The following STK10 variants were observed in gnomAD, a reference collection of about 807,000 sequenced individuals.
STK10 encodes the protein serine/threonine kinase 10, also known as serine/threonine-protein kinase 10.
Under a neutral mutation model 113.8 loss-of-function variants are expected in STK10, and 78 were observed. That is an observed-to-expected ratio of 0.69 (90% CI 0.57 to 0.83). STK10 has a LOEUF of 0.83. Among genes scored for constraint, STK10 ranks in the 40% least tolerant of loss-of-function variants. The pLI is 0.00. For missense variants in STK10, 1,109 were observed against 1,280.1 expected, an observed-to-expected ratio of 0.87 and a Z score of 2.04; for synonymous variants, 465 against 494.7, an observed-to-expected ratio of 0.94 and a Z score of 0.80.
intron 1 of STK10, among the ~76,000 whole-genome samples, chr5:172,171,519 G>C (rs1301549377): frequency 2.6e-5 from 4 of 152,050 alleles, no homozygotes; most frequent in African/African-American, 9.7e-5. Flanking sequence ...TTCAAAACCA[G>C]TCTGGCCAAC....
intron 8 of STK10, 48 bp downstream of exon 8, chr5:172,096,378 G>A: frequency 6.2e-7 from 1 of 1,600,696 alleles, no homozygotes; most frequent in South Asian, 1.1e-5. Context: ...GGCCAGCTGA[G>A]ATCCTGTCCT....
At chr5:172,113,243 C>A (rs1288810073) in intron 4 of STK10, among the ~76,000 whole-genome samples, 2 of 151,956 alleles carry the variant, frequency 1.3e-5, no homozygotes, top group Non-Finnish European at 2.9e-5. Flanking sequence ...ACTGGTATGA[C>A]CAGCACGGAG....
chr5:172,090,473 C>T (rs930161903), intron 9 of STK10, 111 bp from the exon 10 acceptor site: 8 of 1,442,300 alleles, frequency 5.5e-6, no homozygotes, highest in African/African-American at 1.4e-5. Context: ...GAACCACCCC[C>T]AGAGAGATGT....
chr5:172,087,107 A>AGTGTGTGTCTGTGTGTGTGTGT (rs1768579332), intron 10 of STK10, among the ~76,000 whole-genome samples: 1 of 128,860 alleles, frequency 7.8e-6, no homozygotes, highest in African/African-American at 3.0e-5. Flanking sequence ...AGATGACACC[A>AGTGTGTGTCTGTGTGTGTGTGT]GTGTGTGTGT....
At chr5:172,083,711 C>A (rs1233127973) in intron 10 of STK10, among the ~76,000 whole-genome samples, 1 of 151,842 alleles carries the variant, frequency 6.6e-6, no homozygotes, top group Non-Finnish European at 1.5e-5. Flanking sequence ...AGTTTGAGAC[C>A]AGCCTGGCCA....
rs375222010 is a variant in STK10, at chr5:172,093,407, G to A, written c.1554+5C>T. ...GCAAGCCCGTGGTGGCAGAGGCGGT[G>A]TTACCTTGATGGACAGAGAGCCCAT... On this transcript the variant is annotated splice_donor_5th_base_variant and intron_variant, in intron 9 of 18. Transcript: ENST00000176763. The surrounding 1 kb of genome is among the most constrained non-coding windows in gnomAD (Gnocchi z 4.1). 3.8e-6 allele frequency: 6 copies of A among 1,583,690 alleles called. No individual in the cohort carries two copies. Among genetic ancestry groups the A allele is most frequent in the African/African-American group, 1.3e-5 (1 of 74,198 alleles).
chr5:172,170,802 C>T (rs11954147), intron 1 of STK10, among the ~76,000 whole-genome samples: 2,730 of 152,290 alleles, frequency 0.018, 86 homozygotes, highest in African/African-American at 0.062. Context: ...ATAAAGGAGG[C>T]GTGAAAGGTG....
In STK10 at chr5:172,082,425, G is replaced by A. The variant is rs563669946; in HGVS notation, c.1890C>T (p.Asp630=). 2 of 1,612,190 alleles carry A rather than the reference G, an allele frequency of 1.2e-6. No homozygotes were observed. Among genetic ancestry groups the A allele is most frequent in the East Asian group, 2.2e-5 (1 of 44,668 alleles). ...QKQQVEKMEQ[D]HAVRRREEAR... is the part of the protein sequence containing the mutation. ...CCTCCTCCCGGCGGCGCACGGCATG[G>A]TCTTGCTCCATCTTCTCCACTTGCT... The change falls in exon 12 of 19, where the codon GAC becomes GAT. Residue 630 remains aspartate (D), a synonymous_variant. Coordinates refer to ENST00000176763, the MANE Select transcript of STK10 (RefSeq NM_005990.4). This position sits in a 1 kb window ranked among gnomAD's most constrained non-coding sequence, Gnocchi z 4.3.
chr5:172,106,999 G>A (rs1490131404), intron 5 of STK10, 185 bp from the exon 6 acceptor site: 4 of 540,014 alleles, frequency 7.4e-6, no homozygotes, highest in African/African-American at 5.9e-5. Context: ...ACGCCTCCAC[G>A]CGGCTCCCCG....
rs749404216 is a variant in STK10, at chr5:172,096,555, G to A, written c.876C>T (p.Pro292=). 6.8e-6 allele frequency: 11 copies of A among 1,612,912 alleles called. No individual in the cohort carries two copies. The highest frequency in any genetic ancestry group is 7.6e-6 in the Non-Finnish European group (9 of 1,180,040). Residue 292 remains proline (P), a synonymous_variant, in exon 8 of 19, where the codon CCC becomes CCT. Coordinates refer to ENST00000176763, the MANE Select transcript of STK10 (RefSeq NM_005990.4). The part of the protein sequence containing the change: ...RPSAAQLLEH[P]FVSSITSNKA... ...TGTTACTGGTGATGCTGCTGACGAAGGGATGCTGAGGGGGCAAGATGCACC... is the reference window on the plus strand; with the variant it reads ...TGTTACTGGTGATGCTGCTGACGAAAGGATGCTGAGGGGGCAAGATGCACC...
In STK10 at chr5:172,177,172, T is replaced by TAAA. The variant is rs748019558; in HGVS notation, c.156+10712_156+10714dup. Among the ~76,000 whole-genome samples the TAAA allele has an allele frequency of 6.5e-3, 914 of 140,850 alleles. 18 individuals carry two copies. Among genetic ancestry groups the TAAA allele is most frequent in the African/African-American group, 0.023 (831 of 35,774 alleles). 92.4% of individuals were successfully genotyped at this position (140,850 alleles called of 152,430 possible). On this transcript the variant is annotated intron_variant, in intron 1 of 18. Coordinates refer to ENST00000176763, the MANE Select transcript of STK10 (RefSeq NM_005990.4). Reference sequence around the variant, plus strand: ...AGCCTGGATGAAGGAGTGCAGTCTTTAAAAAAAAAAAGAAAAGACCCTAGA... The same window carrying TAAA: ...AGCCTGGATGAAGGAGTGCAGTCTTTAAAAAAAAAAAAAAGAAAAGACCCTAGA...
In STK10 at chr5:172,057,988, A is replaced by C. The variant is rs115604064; in HGVS notation, c.2213-515T>G. 4.7e-3 allele frequency among the ~76,000 whole-genome samples: 711 copies of C among 152,292 alleles called. 3 individuals carry two copies. Among genetic ancestry groups the C allele is most frequent in the African/African-American group, 0.016 (669 of 41,566 alleles). ...TTGTCACTATTTCCTCCTTTGAAAAATGGGTGAGATCCTCCTTGTCTCCTG... is the reference window on the plus strand; with the variant it reads ...TTGTCACTATTTCCTCCTTTGAAAACTGGGTGAGATCCTCCTTGTCTCCTG... On this transcript the variant is annotated intron_variant, in intron 14 of 18. Coordinates refer to ENST00000176763, the MANE Select transcript of STK10 (RefSeq NM_005990.4).
chr5:172,112,454 C>A (rs931252899), intron 4 of STK10, among the ~76,000 whole-genome samples: 21 of 142,210 alleles, frequency 1.5e-4, no homozygotes, highest in Non-Finnish European at 2.0e-4. Flanking sequence ...CAGAGTCTCG[C>A]ATGTCACCCA....
chr5:172,145,393 G>C (rs907558034), intron 2 of STK10, among the ~76,000 whole-genome samples: 1 of 150,670 alleles, frequency 6.6e-6, no homozygotes, highest in African/African-American at 2.4e-5. Context: ...TAAATGTTTT[G>C]TAACCTTTCA....
intron 1 of STK10, among the ~76,000 whole-genome samples, chr5:172,164,187 G>C (rs372687156): frequency 6.9e-6 from 1 of 145,088 alleles, no homozygotes; most frequent in Non-Finnish European, 1.5e-5. Context: ...ACTCCAGCCC[G>C]GGCAACAAGA....
chr5:172,094,272 C>T (rs570115666), intron 8 of STK10, among the ~76,000 whole-genome samples: 63 of 152,310 alleles, frequency 4.1e-4, no homozygotes, highest in African/African-American at 1.4e-3. Context: ...GGTCAGTGGC[C>T]GCTCCATTCC....
Position 172,057,444 on chromosome 5 carries a change from C to G in STK10, c.2242G>C (p.Glu748Gln). The G allele has an allele frequency of 6.4e-7, 1 of 1,550,686 alleles. No homozygotes were observed. Among genetic ancestry groups the G allele is most frequent in the Non-Finnish European group, 8.7e-7 (1 of 1,147,350 alleles). ...DREAALWEMEEHQLQERHQLV... is the reference protein window; with the variant it reads ...DREAALWEMEQHQLQERHQLV... The stretch of plus-strand genomic sequence containing the variant: ...TGGTGCCTCTCCTGCAGCTGGTGCT[C>G]TTCCATCTCCCACAGGGCTGCTTCC... The change falls in exon 15 of 19, where the codon GAG becomes CAG. Residue 748 changes from glutamate to glutamine, a missense_variant. By Grantham distance (29) the Glu-to-Gln change is conservative. Around this residue, in one of 5 missense-constraint regions of STK10, gnomAD observed 885 missense variants for 991.1 expected, o/e 0.89. Transcript: ENST00000176763.
At chr5:172,177,375 G>GT (rs1257832597) in intron 1 of STK10, among the ~76,000 whole-genome samples, 1 of 152,180 alleles carries the variant, frequency 6.6e-6, no homozygotes, top group Non-Finnish European at 1.5e-5. Flanking sequence ...CCAGCCTATG[G>GT]TATTTTGTCA....
chr5:172,089,435 T>A (rs962769136), intron 10 of STK10, among the ~76,000 whole-genome samples: 12 of 148,924 alleles, frequency 8.1e-5, no homozygotes, highest in African/African-American at 2.6e-4. Flanking sequence ...GATGGATGGA[T>A]GGATGGATGG....
Sources: gnomAD v4.1 joint callset for allele counts (sites outside exome capture counted in the v4.1 genomes callset) on GRCh38, gnomAD v4.1.1 for gene constraint, gnomAD v4.1.1 regional missense constraint, Gnocchi (gnomAD v3.1) non-coding constraint, MANE v1.5 for transcripts, NCBI Gene and HGNC (gene_info 2026-07-23, HGNC 2026-07-21) for gene names.